The following ZNF503 variants were observed in gnomAD, a reference collection of about 807,000 sequenced individuals.
The protein encoded by ZNF503 is zinc finger protein 503.
ZNF503 carries 15 observed loss-of-function variants against 34.4 expected under a neutral mutation model. The ratio of observed to expected loss-of-function variants is 0.44; its 90% confidence interval spans 0.29 to 0.67. The LOEUF is 0.67. Ranked by LOEUF, ZNF503 falls within the 30% of genes least tolerant of loss-of-function variation. ZNF503 has a pLI of 0.13. For missense variants in ZNF503, 1,007 were observed against 926.8 expected, an observed-to-expected ratio of 1.09 and a Z score of -1.12; for synonymous variants, 580 against 456.8, an observed-to-expected ratio of 1.27 and a Z score of -3.44.
the ZNF503 span, among the ~76,000 whole-genome samples, chr10:75,330,936 G>GT: frequency 5.3e-5 from 8 of 152,052 alleles, no homozygotes; most frequent in African/African-American, 1.9e-4. Context: ...GCATTGTTAG[G>GT]TTTTTTATTT....
chr10:75,285,555 A>AT, the ZNF503 span, among the ~76,000 whole-genome samples: 2 of 152,234 alleles, frequency 1.3e-5, no homozygotes, highest in African/African-American at 2.4e-5. Context: ...GCACCTGCTA[A>AT]TCTGGAATCC....
downstream of ZNF503, among the ~76,000 whole-genome samples, chr10:75,395,646 C>T (rs1843688383): frequency 6.6e-6 from 1 of 152,180 alleles, no homozygotes; most frequent in South Asian, 2.1e-4. This position sits in a 1 kb window ranked among gnomAD's most constrained non-coding sequence, Gnocchi z 4.4. Flanking sequence ...GGCCTGGACA[C>T]GCAGCAGATA....
the ZNF503 span, among the ~76,000 whole-genome samples, chr10:75,392,168 T>C: frequency 6.6e-6 from 1 of 152,206 alleles, no homozygotes; most frequent in East Asian, 1.9e-4. Context: ...CATGAATAAG[T>C]GAATGGATGG....
chr10:75,328,679 T>C, the ZNF503 span, among the ~76,000 whole-genome samples: 1 of 152,188 alleles, frequency 6.6e-6, no homozygotes, highest in African/African-American at 2.4e-5. Flanking sequence ...ATCTGTAGAT[T>C]GCTTTTGGCA....
the ZNF503 span, among the ~76,000 whole-genome samples, chr10:75,311,178 G>A: frequency 6.6e-6 from 1 of 152,150 alleles, no homozygotes. Context: ...ATGTTCGAGG[G>A]CAGGAAGCAT....
the ZNF503 span, among the ~76,000 whole-genome samples, chr10:75,305,494 GT>G: frequency 6.6e-6 from 1 of 151,954 alleles, no homozygotes; most frequent in African/African-American, 2.4e-5. Flanking sequence ...GTTAATACAA[GT>G]TTTTTTGTTT....
At chr10:75,387,515 C>A in the ZNF503 span, among the ~76,000 whole-genome samples, 1 of 152,214 alleles carries the variant, frequency 6.6e-6, no homozygotes, top group Admixed American at 6.5e-5. Context: ...AAATAAAGTG[C>A]TCACTAAATG....
At chr10:75,395,672 C>A (rs989255675), downstream of ZNF503, among the ~76,000 whole-genome samples, 2 of 152,194 alleles carry the variant, frequency 1.3e-5, no homozygotes, top group African/African-American at 4.8e-5. The surrounding 1 kb of genome is among the most constrained non-coding windows in gnomAD (Gnocchi z 4.4). Context: ...ACCCACCCTT[C>A]ACTTACCGCG....
chr10:75,384,718 G>A, the ZNF503 span, among the ~76,000 whole-genome samples: 44 of 152,254 alleles, frequency 2.9e-4, no homozygotes, highest in African/African-American at 9.9e-4. Context: ...CCTGGTTGGG[G>A]TCATGCTCAG....
chr10:75,283,451 G>A, the ZNF503 span: 1 of 152,412 alleles, frequency 6.6e-6, no homozygotes, highest in Non-Finnish European at 1.5e-5. Context: ...GGCCAGAAGG[G>A]AGGCCACATT....
the ZNF503 span, among the ~76,000 whole-genome samples, chr10:75,379,448 T>G: frequency 6.6e-6 from 1 of 152,158 alleles, no homozygotes; most frequent in Non-Finnish European, 1.5e-5. Flanking sequence ...TGTAAGGCCT[T>G]GCCTCATTTC....
At chr10:75,306,350 A>G in the ZNF503 span, among the ~76,000 whole-genome samples, 1 of 151,702 alleles carries the variant, frequency 6.6e-6, no homozygotes, top group Non-Finnish European at 1.5e-5. Context: ...TTTTTTTGGG[A>G]AAAATGTCTA....
chr10:75,284,730 C>T, the ZNF503 span, among the ~76,000 whole-genome samples: 1 of 152,084 alleles, frequency 6.6e-6, no homozygotes, highest in Non-Finnish European at 1.5e-5. Flanking sequence ...GTCTGCCCAG[C>T]GATTTCCATG....
Position 75,399,361 on chromosome 10 carries a change from C to T in ZNF503, c.1329G>A (p.Gly443=), listed in dbSNP as rs1265159021. ...LSYHCASHLA[G]AAAASASCAH... ...CGCAAGAAGCGCTGGCGGCCGCCGC[C>T]CCTGCCAGGTGGCTAGCGCAGTGGT... is the stretch of plus-strand genomic sequence containing the variant. The change falls in exon 2 of 2, where the codon GGG becomes GGA. Residue 443 remains glycine, a synonymous_variant. Transcript: ENST00000372524. The T allele has an allele frequency of 1.9e-6, 3 of 1,606,024 alleles. No individual in the cohort carries two copies. The highest frequency in any genetic ancestry group is 1.7e-6 in the Non-Finnish European group (2 of 1,178,378).
At chr10:75,319,313 C>T in the ZNF503 span, among the ~76,000 whole-genome samples, 1 of 152,064 alleles carries the variant, frequency 6.6e-6, no homozygotes, top group Non-Finnish European at 1.5e-5. Flanking sequence ...CTTAGTGGTT[C>T]TGATGTATAT....
Position 75,401,707 on chromosome 10 carries a change from G to A in ZNF503, c.-288C>T. ...TGCTCCCCTGCGCTGCGTTCTCGCG[G>A]CCCCGCGCCGGCGCTGCGCTCTGCG... On this transcript the variant is annotated 5_prime_UTR_variant, in exon 1 of 2. Transcript: ENST00000372524. 4.9e-6 allele frequency: 2 copies of A among 411,668 alleles called. No homozygotes were observed. The highest frequency in any genetic ancestry group is 4.1e-5 in the South Asian group (1 of 24,590). 25.5% of individuals were successfully genotyped at this position (411,668 alleles called of 1,614,324 possible).
chr10:75,328,746 C>CTTTT, the ZNF503 span, among the ~76,000 whole-genome samples: 36 of 130,772 alleles, frequency 2.8e-4, no homozygotes, highest in African/African-American at 3.5e-4. Flanking sequence ...AATGTCTTTT[C>CTTTT]TTTTTTTTTT....
At position 75,399,119 on chromosome 10, in the gene ZNF503, G is replaced by T; in HGVS notation, c.1571C>A (p.Pro524Gln). The T allele has an allele frequency of 6.2e-7, 1 of 1,613,716 alleles. No individual in the cohort carries two copies. The highest frequency in any genetic ancestry group is 2.2e-5 in the East Asian group (1 of 44,870). The part of the protein sequence containing the change: ...HICNWVSANG[P>Q]CDKRFATSEE... ...GGACGTGGCGAAGCGCTTGTCGCAC[G>T]GCCCGTTGGCCGACACCCAGTTGCA... The change falls in exon 2 of 2, where the codon CCG becomes CAG. Residue 524 changes from proline to glutamine, a missense_variant. Physicochemically the swap from Pro to Gln is moderately conservative, Grantham distance 76. Coordinates refer to ENST00000372524, the MANE Select transcript of ZNF503 (RefSeq NM_032772.6).
chr10:75,370,099 T>A, the ZNF503 span, among the ~76,000 whole-genome samples: 6 of 151,542 alleles, frequency 4.0e-5, no homozygotes, highest in African/African-American at 9.7e-5. Flanking sequence ...AATAAATAAA[T>A]AAAATGAAGT....
Sources: gnomAD v4.1 joint callset for allele counts (sites outside exome capture counted in the v4.1 genomes callset) on GRCh38, gnomAD v4.1.1 for gene constraint, Gnocchi (gnomAD v3.1) non-coding constraint, MANE v1.5 for transcripts, NCBI Gene and HGNC (gene_info 2026-07-23, HGNC 2026-07-21) for gene names.